Variants in IBA57 observed in about 807,000 individuals in gnomAD.
IBA57 encodes the protein iron-sulfur cluster assembly factor IBA57, mitochondrial.
Under a neutral mutation model 20.4 loss-of-function variants are expected in IBA57, and 20 were observed. The ratio of observed to expected loss-of-function variants is 0.98; its 90% CI spans 0.69 to 1.42. The LOEUF (loss-of-function observed/expected upper bound fraction) is 1.42, where lower values mean the gene tolerates loss of function less well. Ranked by LOEUF, IBA57 falls within the 40% of genes most tolerant of loss-of-function variation. The pLI, the probability that IBA57 is intolerant of heterozygous loss-of-function variation, is 0.00. For missense variants in IBA57, 608 were observed against 499.3 expected (o/e 1.22, Z -2.07); for synonymous variants, 310 against 233.9 (o/e 1.33, Z -2.97).
chr1:228,174,865 C>T lies in IBA57; in HGVS notation c.515C>T (p.Ala172Val). 6.2e-7 allele frequency: 1 copy of T among 1,609,698 alleles called. No homozygotes were observed. The highest frequency in any genetic ancestry group is 8.5e-7 in the Non-Finnish European group (1 of 1,179,048). Residue 172 changes from alanine to valine, a missense_variant, in exon 2 of 3, where the codon GCT (alanine) becomes GTT (valine). By Grantham distance (64) the Ala-to-Val change is moderately conservative. Coordinates refer to ENST00000366711, the MANE Select transcript of IBA57 (RefSeq NM_001010867.4). ...VLPSSPEACG[A>V]ASLQERAGAA... ...CCCAGTTCCCCTGAGGCCTGCGGGG[C>T]TGCATCGCTGCAGGAGAGGGCAGGG...
chr1:228,177,483 C>CTTTTTTT lies in IBA57; in HGVS notation c.*1988_*1994dup, dbSNP rs11313764. ...AACACATTTCGTGTTCTTCTGTGTCCTTTTTTTTTTTTTTTTTTTTTTTTG... is the reference window on the plus strand; with the variant it reads ...AACACATTTCGTGTTCTTCTGTGTCCTTTTTTTTTTTTTTTTTTTTTTTTTTTTTTTG... On this transcript the variant is annotated 3_prime_UTR_variant, in exon 3 of 3. Coordinates refer to ENST00000366711, the MANE Select transcript of IBA57 (RefSeq NM_001010867.4). 1.9e-5 allele frequency: 1 copy of CTTTTTTT among 52,482 alleles called. No homozygotes were observed. The highest frequency in any genetic ancestry group is 3.5e-5 in the Non-Finnish European group (1 of 28,530). 3.3% of individuals were successfully genotyped at this position (52,482 alleles called of 1,614,324 possible).
At position 228,165,950 on chromosome 1, in the gene IBA57, G is replaced by C. The variant is rs55873785; in HGVS notation, c.134G>C (p.Gly45Ala). 556,449 of 1,501,890 alleles carry C rather than the reference G, an allele frequency of 0.37. 105,868 individuals are homozygous for C. The highest frequency in any genetic ancestry group is 0.52 in the South Asian group (41,461 of 80,198). 93.0% of individuals were successfully genotyped at this position (1,501,890 alleles called of 1,614,324 possible). A position where few individuals can be genotyped will look rare whatever the true frequency, so the allele number is the denominator to read the frequency against. Residue 45 changes from glycine (G) to alanine (A), a missense_variant, in exon 1 of 3, where the codon GGA becomes GCA. Coordinates refer to ENST00000366711, the MANE Select transcript of IBA57 (RefSeq NM_001010867.4). ...SCSPGGDPTAGAAWACFRLDG... is the reference protein window; with the variant it reads ...SCSPGGDPTAAAAWACFRLDG... ...AGTCCTGGTGGCGACCCAACGGCCG[G>C]AGCGGCCTGGGCCTGCTTCCGGCTG...
chr1:228,166,059 G>T lies in IBA57; in HGVS notation c.243G>T (p.Pro81=). The change falls in exon 1 of 3, where the codon CCG becomes CCT. Residue 81 remains proline (P), a synonymous_variant. Coordinates refer to ENST00000366711, the MANE Select transcript of IBA57 (RefSeq NM_001010867.4). ...TGCTGACCAATGAACTGCCGCTTCC[G>T]AGTCCTGCGGCCGCGGGGGCCCCGC... is the stretch of plus-strand genomic sequence containing the variant. ...LGLLTNELPL[P]SPAAAGAPPA... is the part of the protein sequence containing the mutation. 6.5e-7 allele frequency: 1 copy of T among 1,537,640 alleles called. No homozygotes were observed. The highest frequency in any genetic ancestry group is 8.7e-7 in the Non-Finnish European group (1 of 1,146,084).
Position 228,170,514 on chromosome 1 carries a change from A to G in IBA57, c.342-4178A>G, listed in dbSNP as rs1461775429. On this transcript the variant is annotated intron_variant, in intron 1 of 2. Coordinates refer to ENST00000366711, the MANE Select transcript of IBA57 (RefSeq NM_001010867.4). The surrounding 1 kb of genome is among the most constrained non-coding windows in gnomAD (Gnocchi z 4.8). Reference sequence around the variant, plus strand: ...CACTATGTTGCTCGGGCTGGTCTTGAACTCCTGGGCTCAGGCGATTCTCCT... The same window carrying G: ...CACTATGTTGCTCGGGCTGGTCTTGGACTCCTGGGCTCAGGCGATTCTCCT... Among the ~76,000 whole-genome samples the G allele has an allele frequency of 6.6e-6, 1 of 151,610 alleles. No individual in the cohort carries two copies. The highest frequency in any genetic ancestry group is 1.5e-5 in the Non-Finnish European group (1 of 67,872).
At chr1:228,168,889 T>C (rs920086524) in intron 1 of IBA57, among the ~76,000 whole-genome samples, 2 of 152,128 alleles carry the variant, frequency 1.3e-5, no homozygotes, top group African/African-American at 4.8e-5. Context: ...CTTGAAACCC[T>C]CTAGCTTCAG....
Position 228,175,133 on chromosome 1 carries a change from G to C in IBA57, c.691G>C (p.Gly231Arg). ...TCCAATCCCTGCAGGCGTTCCTGAG[G>C]GGGTCCGAGACTTGCCTCCTGGGGT... ...QHRYLQGVPE[G>R]VRDLPPGVAL... Residue 231 changes from glycine to arginine, a missense_variant, in exon 3 of 3, where the codon GGG becomes CGG. Transcript: ENST00000366711. 6.2e-7 allele frequency: 1 copy of C among 1,612,138 alleles called. No homozygotes were observed. Among genetic ancestry groups the C allele is most frequent in the African/African-American group, 1.3e-5 (1 of 75,012 alleles).
Position 228,175,690 on chromosome 1 carries a change from C to G in IBA57, c.*177C>G, listed in dbSNP as rs2035007578. 4 of 721,874 alleles carry G rather than the reference C, an allele frequency of 5.5e-6. No homozygotes were observed. Among genetic ancestry groups the G allele is most frequent in the Non-Finnish European group, 6.3e-6 (3 of 478,156 alleles). The allele number at this position is 721,874 out of a possible 1,614,324, so 44.7% of individuals were successfully genotyped here. A position where few individuals can be genotyped will look rare whatever the true frequency, so the allele number is the denominator to read the frequency against. Reference sequence around the variant, plus strand: ...CCTGGCCCCACCCATGCTCAGGGGCCCCAGGCACGTGGGTTGTTTTCTCCC... The same window carrying G: ...CCTGGCCCCACCCATGCTCAGGGGCGCCAGGCACGTGGGTTGTTTTCTCCC... On this transcript the variant is annotated 3_prime_UTR_variant, in exon 3 of 3. Transcript: ENST00000366711.
chr1:228,173,891 T>C (rs570955313), intron 1 of IBA57, among the ~76,000 whole-genome samples: 2 of 151,848 alleles, frequency 1.3e-5, no homozygotes, highest in East Asian at 3.9e-4. Context: ...CGCTGGCCCC[T>C]GTGAGCTCGT....
chr1:228,174,843 A>G lies in IBA57; in HGVS notation c.493A>G (p.Ser165Gly), dbSNP rs781137419. ...GCTGCGAGTGTGGGCGGTGTTGCCC[A>G]GTTCCCCTGAGGCCTGCGGGGCTGC... ...PELRVWAVLP[S>G]SPEACGAASL... The change falls in exon 2 of 3, where the codon AGT becomes GGT. Residue 165 changes from serine to glycine, a missense_variant. Transcript: ENST00000366711. 1.6e-5 allele frequency: 26 copies of G among 1,610,470 alleles called. No individual in the cohort carries two copies. In the East Asian group the frequency reaches 5.8e-4, roughly 36 times the overall value.
Position 228,165,884 on chromosome 1 carries a change from T to C in IBA57, c.68T>C (p.Leu23Pro), listed in dbSNP as rs2034840987. The C allele has an allele frequency of 7.5e-7, 1 of 1,342,170 alleles. No individual in the cohort carries two copies. Among genetic ancestry groups the C allele is most frequent in the African/African-American group, 1.5e-5 (1 of 65,122 alleles). 83.1% of individuals were successfully genotyped at this position (1,342,170 alleles called of 1,614,324 possible). ...GRGGPVWRWR[L>P]RAAPRCRLAH... ...GGCGGCCCGGTCTGGCGCTGGCGGC[T>C]GCGCGCGGCCCCAAGGTGCCGCCTG... is the stretch of plus-strand genomic sequence containing the variant. Residue 23 changes from leucine to proline, a missense_variant, in exon 1 of 3, where the codon CTG (leucine) becomes CCG (proline). Leu to Pro is a moderately conservative substitution (Grantham distance 98). Coordinates refer to ENST00000366711, the MANE Select transcript of IBA57 (RefSeq NM_001010867.4).
rs74931164 is a variant in IBA57, at chr1:228,174,605, G to A, written c.342-87G>A. 8,272 of 1,278,978 alleles carry A rather than the reference G, an allele frequency of 6.5e-3. 411 individuals carry two copies. In the African/African-American group the frequency reaches 0.11, roughly 17 times the overall value. 79.2% of individuals were successfully genotyped at this position (1,278,978 alleles called of 1,614,324 possible). A position where few individuals can be genotyped will look rare whatever the true frequency, so the allele number is the denominator to read the frequency against. On this transcript the variant is annotated intron_variant, in intron 1 of 2. Transcript: ENST00000366711. ...GCGTTGGTCCACGGTGTGCTCCTCT[G>A]CCCGGGTAAGGCGCGCTCCCTCATG...
In IBA57 at chr1:228,175,210, C is replaced by T. The variant is rs760717161; in HGVS notation, c.768C>T (p.Thr256=). 30 of 1,612,926 alleles carry T rather than the reference C, an allele frequency of 1.9e-5. No individual in the cohort carries two copies. Among genetic ancestry groups the T allele is most frequent in the Non-Finnish European group, 2.5e-5 (30 of 1,179,992 alleles). ...CCTTCATGAACGGCGTGAGCTTCACCAAAGGCTGCTACATTGGCCAGGAGC... is the reference window on the plus strand; with the variant it reads ...CCTTCATGAACGGCGTGAGCTTCACTAAAGGCTGCTACATTGGCCAGGAGC... ...NLAFMNGVSF[T]KGCYIGQELT... Residue 256 remains threonine, a synonymous_variant, in exon 3 of 3, where the codon ACC becomes ACT. Transcript: ENST00000366711.
At chr1:228,167,658 G>C (rs915521158) in intron 1 of IBA57, among the ~76,000 whole-genome samples, 1 of 152,204 alleles carries the variant, frequency 6.6e-6, no homozygotes, top group Non-Finnish European at 1.5e-5. Flanking sequence ...TGCCCGGCCT[G>C]GGGCTGCTTT....
chr1:228,177,355 GCACTC>G lies in IBA57; in HGVS notation c.*1850_*1854del, dbSNP rs1376875586. The G allele has an allele frequency of 6.6e-6, 1 of 152,258 alleles. No individual in the cohort carries two copies. The highest frequency in any genetic ancestry group is 1.5e-5 in the Non-Finnish European group (1 of 68,120). The allele number at this position is 152,258 out of a possible 1,614,324, so 9.4% of individuals were successfully genotyped here. On this transcript the variant is annotated 3_prime_UTR_variant, in exon 3 of 3. Coordinates refer to ENST00000366711, the MANE Select transcript of IBA57 (RefSeq NM_001010867.4). ...GGCTAGGAGGTGAGCCAGGAAGGAAGCACTCCACTCCAGAGTGAGGTGCCGCCTGA... is the reference window on the plus strand; with the variant it reads ...GGCTAGGAGGTGAGCCAGGAAGGAAGCACTCCAGAGTGAGGTGCCGCCTGA...
chr1:228,165,815 A>T lies in IBA57; in HGVS notation c.-2A>T. On this transcript the variant is annotated 5_prime_UTR_variant, in exon 1 of 3. In the 5' UTR this introduces an upstream ATG that the reference lacks. Coordinates refer to ENST00000366711, the MANE Select transcript of IBA57 (RefSeq NM_001010867.4). ...CTTCCCGCTGCCCCACTCTTGTCCA[A>T]GATGGCGACCGCGGCGCTGCTTCGA... is the stretch of plus-strand genomic sequence containing the variant. 1 of 1,300,494 alleles carries T rather than the reference A, an allele frequency of 7.7e-7. No homozygotes were observed. Among genetic ancestry groups the T allele is most frequent in the Non-Finnish European group, 9.7e-7 (1 of 1,028,778 alleles). 80.6% of individuals were successfully genotyped at this position (1,300,494 alleles called of 1,614,324 possible). A position where few individuals can be genotyped will look rare whatever the true frequency, so the allele number is the denominator to read the frequency against.
chr1:228,173,056 G>T (rs1332226354), intron 1 of IBA57: 1 of 152,310 alleles, frequency 6.6e-6, no homozygotes, highest in East Asian at 1.9e-4. Context: ...CTGCGGCAGG[G>T]TCCTCAGTGA....
Position 228,166,092 on chromosome 1 carries a change from G to A in IBA57, c.276G>A (p.Ala92=), listed in dbSNP as rs898410392. The change falls in exon 1 of 3, where the codon GCG becomes GCA. Residue 92 remains alanine, a synonymous_variant. Coordinates refer to ENST00000366711, the MANE Select transcript of IBA57 (RefSeq NM_001010867.4). ...CGGCCGCGGGGGCCCCGCCTGCTGC[G>A]CGCGCGGGCTACGCCCACTTCCTGA... ...SPAAAGAPPA[A]RAGYAHFLNV... The A allele has an allele frequency of 2.0e-6, 3 of 1,535,920 alleles. No individual in the cohort carries two copies. The highest frequency in any genetic ancestry group is 2.0e-5 in the Admixed American group (1 of 49,986).
chr1:228,165,895 C>G lies in IBA57; in HGVS notation c.79C>G (p.Pro27Ala), dbSNP rs1324631781. The G allele has an allele frequency of 2.1e-6, 3 of 1,404,790 alleles. No homozygotes were observed. In the African/African-American group the frequency reaches 4.5e-5, roughly 21 times the overall value. 87.0% of individuals were successfully genotyped at this position (1,404,790 alleles called of 1,614,324 possible). A position where few individuals can be genotyped will look rare whatever the true frequency, so the allele number is the denominator to read the frequency against. ...PVWRWRLRAA[P>A]RCRLAHSSCS... The stretch of plus-strand genomic sequence containing the variant: ...CTGGCGCTGGCGGCTGCGCGCGGCC[C>G]CAAGGTGCCGCCTGGCCCACAGCTC... Residue 27 changes from proline to alanine, a missense_variant, in exon 1 of 3, where the codon CCA (proline) becomes GCA (alanine). Pro to Ala is a conservative substitution (Grantham distance 27, BLOSUM62 -1). Coordinates refer to ENST00000366711, the MANE Select transcript of IBA57 (RefSeq NM_001010867.4).
Position 228,175,713 on chromosome 1 carries a change from C to A in IBA57, c.*200C>A. ...GCCCCAGGCACGTGGGTTGTTTTCT[C>A]CCTGGACTTCCTGTGGCCCCAGAGG... On this transcript the variant is annotated 3_prime_UTR_variant, in exon 3 of 3. Coordinates refer to ENST00000366711, the MANE Select transcript of IBA57 (RefSeq NM_001010867.4). 2 of 562,104 alleles carry A rather than the reference C, an allele frequency of 3.6e-6. No homozygotes were observed. The highest frequency in any genetic ancestry group is 6.0e-6 in the Non-Finnish European group (2 of 335,552). The allele number at this position is 562,104 out of a possible 1,614,324, so 34.8% of individuals were successfully genotyped here.
Sources: allele counts gnomAD v4.1 joint callset (sites outside exome capture counted in the v4.1 genomes callset), GRCh38; gene constraint gnomAD v4.1.1; non-coding constraint Gnocchi (gnomAD v3.1); transcripts MANE v1.5; gene names NCBI Gene and HGNC (gene_info 2026-07-23, HGNC 2026-07-21).